AFMID: variants seen among roughly 807,000 people sequenced by gnomAD.
The protein encoded by AFMID is kynurenine formamidase.
AFMID carries 39 observed loss-of-function variants against 47.5 expected under a neutral mutation model. The ratio of observed to expected loss-of-function variants is 0.82; its 90% confidence interval spans 0.64 to 1.07. AFMID has a LOEUF of 1.07. AFMID is among the 50% of genes least tolerant of loss of function. The pLI, the probability that AFMID is intolerant of heterozygous loss-of-function variation, is 0.00. For synonymous variants in AFMID, 130 were observed against 153.2 expected, an observed-to-expected ratio of 0.85 and a Z score of 1.12; for missense variants, 375 against 387.5, an observed-to-expected ratio of 0.97 and a Z score of 0.27.
intron 1 of AFMID, 96 bp from the exon 2 acceptor site, chr17:78,190,874 C>A: frequency 9.0e-7 from 1 of 1,111,182 alleles, no homozygotes; most frequent in Non-Finnish European, 1.3e-6. Flanking sequence ...GCGAGGGCTT[C>A]TAAGGCAGAG....
chr17:78,199,998 G>C (rs1487416061), intron 2 of AFMID, among the ~76,000 whole-genome samples: 3 of 151,396 alleles, frequency 2.0e-5, no homozygotes, highest in Non-Finnish European at 4.4e-5. Context: ...TGTTATGTAA[G>C]ACGTTTAGCA....
intron 2 of AFMID, among the ~76,000 whole-genome samples, chr17:78,193,990 A>G (rs1485326519): frequency 6.6e-6 from 1 of 151,618 alleles, no homozygotes; most frequent in South Asian, 2.1e-4. Flanking sequence ...AAAAAAAAAA[A>G]AATTTAAAAA....
intron 4 of AFMID, 131 bp downstream of exon 4, chr17:78,202,882 T>G: frequency 8.8e-7 from 1 of 1,141,576 alleles, no homozygotes; most frequent in Non-Finnish European, 1.3e-6. Flanking sequence ...CTCACAGCGC[T>G]GGAGAACGGA....
At position 78,189,830 on chromosome 17, in the gene AFMID, G is replaced by GTT. The variant is rs770053983; in HGVS notation, c.64-1122_64-1121dup. 2.4e-3 allele frequency among the ~76,000 whole-genome samples: 262 copies of GTT among 109,450 alleles called. 4 individuals are homozygous for GTT. Among genetic ancestry groups the GTT allele is most frequent in the Non-Finnish European group, 2.7e-3 (147 of 53,480 alleles). 71.8% of individuals were successfully genotyped at this position (109,450 alleles called of 152,430 possible). A position where few individuals can be genotyped will look rare whatever the true frequency, so the allele number is the denominator to read the frequency against. On this transcript the variant is annotated intron_variant, in intron 1 of 10. Transcript: ENST00000409257. ...CCACCGTGTCCAGCATTTTCTGTTG[G>GTT]TTTTTTTTTTTTTTTTTTTGAGATG...
intron 2 of AFMID, among the ~76,000 whole-genome samples, chr17:78,199,276 G>A (rs544979512): frequency 1.8e-4 from 28 of 152,252 alleles, no homozygotes; most frequent in Admixed American, 3.3e-4. Flanking sequence ...GACGCAATTC[G>A]TACAAGCTCT....
chr17:78,191,588 G>T (rs1007531362), intron 2 of AFMID, among the ~76,000 whole-genome samples: 10 of 151,948 alleles, frequency 6.6e-5, no homozygotes, highest in African/African-American at 2.4e-4. Context: ...CATGAGAATT[G>T]CTTCAACCTG....
chr17:78,206,101 T>C (rs1457155132), intron 10 of AFMID, 51 bp downstream of exon 10: 2 of 1,519,298 alleles, frequency 1.3e-6, no homozygotes, highest in Admixed American at 1.7e-5. Context: ...ACAGGTCCTG[T>C]CGCAGCCCCT....
intron 2 of AFMID, among the ~76,000 whole-genome samples, chr17:78,192,001 C>T (rs1301327495): frequency 7.0e-6 from 1 of 142,886 alleles, no homozygotes; most frequent in Admixed American, 7.0e-5. Context: ...TTCTTTCTTT[C>T]TTTTTTTTGT....
In AFMID at chr17:78,187,439, T is replaced by G. The variant is rs1419793340; in HGVS notation, c.63+6T>G. ...GGAAGAAGATGTCTGCAGAGGTAGG[T>G]GGATTGCAGGGAGGGACTAAGGGGC... On this transcript the variant is annotated splice_donor_region_variant and intron_variant, in intron 1 of 10. Transcript: ENST00000409257. 6.2e-7 allele frequency: 1 copy of G among 1,612,980 alleles called. No individual in the cohort carries two copies. The highest frequency in any genetic ancestry group is 2.2e-5 in the East Asian group (1 of 44,780).
chr17:78,191,198 A>T, intron 2 of AFMID, 138 bp downstream of exon 2: 2 of 721,632 alleles, frequency 2.8e-6, no homozygotes, highest in South Asian at 3.4e-5. Flanking sequence ...GCACTTTATA[A>T]ACCTCCCTGC....
Position 78,202,601 on chromosome 17 carries a change from A to G in AFMID, c.257A>G (p.Glu86Gly). Residue 86 changes from glutamate to glycine, a missense_variant and splice_region_variant, in exon 3 of 11, where the codon GAA becomes GGA. Glu to Gly is a moderately conservative substitution (Grantham distance 98). Transcript: ENST00000409257. Reference protein sequence around the residue: ...VDIYFPDESSEALPFFLFFHG... With the variant: ...VDIYFPDESSGALPFFLFFHG... ...ATTTACTTCCCCGACGAGTCGTCTG[A>G]AGGTTGTCGGTGAAGGGGCTGGGGG... 6.2e-7 allele frequency: 1 copy of G among 1,613,808 alleles called. No individual in the cohort carries two copies. The highest frequency in any genetic ancestry group is 8.5e-7 in the Non-Finnish European group (1 of 1,179,846).
chr17:78,197,296 T>C, intron 2 of AFMID: 1 of 1,283,646 alleles, frequency 7.8e-7, no homozygotes, highest in Non-Finnish European at 1.1e-6. Flanking sequence ...CAGTGACAAA[T>C]GCGTCTGCCT....
At position 78,202,550 on chromosome 17, in the gene AFMID, G is replaced by A. The variant is rs1242156060; in HGVS notation, c.206G>A (p.Gly69Glu). The change falls in exon 3 of 11, where the codon GGA becomes GAA. Residue 69 changes from glycine (G) to glutamate (E), a missense_variant. Gly to Glu is a moderately conservative substitution (Grantham distance 98, BLOSUM62 -2). Transcript: ENST00000409257. ...AAGAGCCTGCTGCATGTCCCCTATG[G>A]AGACGGCGAAGGGGAGAAAGTGGAC... is the stretch of plus-strand genomic sequence containing the variant. ...TRKSLLHVPY[G>E]DGEGEKVDIY... 2 of 1,614,142 alleles carry A rather than the reference G, an allele frequency of 1.2e-6. No homozygotes were observed. The highest frequency in any genetic ancestry group is 1.7e-6 in the Non-Finnish European group (2 of 1,180,026).
Position 78,205,424 on chromosome 17 carries a change from T to C in AFMID, c.566-16T>C, listed in dbSNP as rs976180456. 6.2e-7 allele frequency: 1 copy of C among 1,613,834 alleles called. No homozygotes were observed. The highest frequency in any genetic ancestry group is 8.5e-7 in the Non-Finnish European group (1 of 1,179,832). The stretch of plus-strand genomic sequence containing the variant: ...CGCCTGGAGCCTGGCCCTGTGACAA[T>C]TCTGTACCTTCACAGGCTTTTTCCT... On this transcript the variant is annotated splice_polypyrimidine_tract_variant and intron_variant, in intron 7 of 10. Coordinates refer to ENST00000409257, the MANE Select transcript of AFMID (RefSeq NM_001010982.5).
Position 78,187,362 on chromosome 17 carries a change from G to C in AFMID, c.-9G>C. The C allele has an allele frequency of 2.5e-6, 4 of 1,613,860 alleles. No homozygotes were observed. Among genetic ancestry groups the C allele is most frequent in the Non-Finnish European group, 3.4e-6 (4 of 1,179,918 alleles). On this transcript the variant is annotated 5_prime_UTR_variant, in exon 1 of 11. Transcript: ENST00000409257. ...CAGAGGGACGCACGCCCATGCGGCT[G>C]TAGACGCCATGATGGATGTGTCTGG... is the stretch of plus-strand genomic sequence containing the variant.
rs1388202556 is a variant in AFMID at position 78,187,413 on chromosome 17, T to C, written c.43T>C (p.Trp15Arg). 6.2e-7 allele frequency: 1 copy of C among 1,613,932 alleles called. No homozygotes were observed. ...SGVGFPSKVP[W>R]KKMSAEELEN... is the part of the protein sequence containing the mutation. ...TGTGGGTTTCCCAAGCAAGGTTCCT[T>C]GGAAGAAGATGTCTGCAGAGGTAGG... is the stretch of plus-strand genomic sequence containing the variant. Residue 15 changes from tryptophan to arginine, a missense_variant, in exon 1 of 11, where the codon TGG becomes CGG. By Grantham distance (101) the Trp-to-Arg change is moderately radical (BLOSUM62 -3). Coordinates refer to ENST00000409257, the MANE Select transcript of AFMID (RefSeq NM_001010982.5).
At chr17:78,192,531 C>T (rs2075999077) in intron 2 of AFMID, 1 of 440,674 alleles carries the variant, frequency 2.3e-6, no homozygotes, top group Non-Finnish European at 4.7e-6. Context: ...TTAGGCTGGT[C>T]TCAAACTCCC....
At chr17:78,198,802 C>G (rs2076175929) in intron 2 of AFMID, among the ~76,000 whole-genome samples, 1 of 151,806 alleles carries the variant, frequency 6.6e-6, no homozygotes, top group Non-Finnish European at 1.5e-5. Context: ...GAGCGAGCCT[C>G]TGTCTCAAAA....
chr17:78,200,311 C>T (rs534959199), intron 2 of AFMID, among the ~76,000 whole-genome samples: 4 of 152,214 alleles, frequency 2.6e-5, no homozygotes, highest in East Asian at 1.9e-4. Context: ...CGCGCCACCA[C>T]GCCCAGATAA....
Sources: allele counts gnomAD v4.1 joint callset (sites outside exome capture counted in the v4.1 genomes callset), GRCh38; gene constraint gnomAD v4.1.1; transcripts MANE v1.5; gene names NCBI Gene and HGNC (gene_info 2026-07-23, HGNC 2026-07-21).